The following ST3GAL5 variants were observed in gnomAD, a reference collection of about 807,000 sequenced individuals.
ST3GAL5 encodes ST3 beta-galactoside alpha-2,3-sialyltransferase 5.
A neutral mutation model predicts 46.1 loss-of-function variants in ST3GAL5; 25 were observed. The observed-to-expected ratio is 0.54, with a 90% CI of 0.40 to 0.76. ST3GAL5 has a LOEUF of 0.76. ST3GAL5 is among the 30% of genes least tolerant of loss of function. The pLI is 0.00. For synonymous variants in ST3GAL5, 182 were observed against 192.7 expected (o/e 0.94, Z 0.46); for missense variants, 431 against 521.2 (o/e 0.83, Z 1.69).
chr2:85,869,745 G>A (rs1394125647), intron 1 of ST3GAL5, among the ~76,000 whole-genome samples: 1 of 152,184 alleles, frequency 6.6e-6, no homozygotes, highest in Non-Finnish European at 1.5e-5. Context: ...CAGGAACTGG[G>A]TTGCTCCCTT....
intron 4 of ST3GAL5, chr2:85,847,329 G>C (rs1682916231): frequency 2.0e-6 from 2 of 985,494 alleles, no homozygotes; most frequent in Non-Finnish European, 2.4e-6. Context: ...TGTTTTACTT[G>C]AATCTACCCA....
chr2:85,840,296 T>C lies in ST3GAL5; in HGVS notation c.1105A>G (p.Arg369Gly), dbSNP rs745878094. The C allele has an allele frequency of 3.7e-6, 6 of 1,613,980 alleles. 1 individual carries two copies. The highest frequency in any genetic ancestry group is 2.7e-5 in the African/African-American group (2 of 74,924). Residue 369 changes from arginine to glycine, a missense_variant, in exon 7 of 7, where the codon AGA becomes GGA. By Grantham distance (125) the Arg-to-Gly change is moderately radical (BLOSUM62 -2). Coordinates refer to ENST00000638572, the MANE Select transcript of ST3GAL5 (RefSeq NM_003896.4). The part of the protein sequence containing the change: ...AGFGYDLNQP[R>G]TPLHYFDSQC... Reference sequence around the variant, plus strand: ...CTGTCGAAGTAGTGCAAAGGTGTTCTGGGTTGATTGAGGTCATATCCAAAA... The same window carrying C: ...CTGTCGAAGTAGTGCAAAGGTGTTCCGGGTTGATTGAGGTCATATCCAAAA...
intron 3 of ST3GAL5, among the ~76,000 whole-genome samples, chr2:85,860,318 A>C (rs1684580175): frequency 6.6e-6 from 1 of 152,182 alleles, no homozygotes; most frequent in Non-Finnish European, 1.5e-5. Flanking sequence ...TCCCAGTCAC[A>C]ATGACTAAAG....
At chr2:85,873,462 A>G (rs183145880) in intron 1 of ST3GAL5, among the ~76,000 whole-genome samples, 1 of 152,142 alleles carries the variant, frequency 6.6e-6, no homozygotes, top group Non-Finnish European at 1.5e-5. Flanking sequence ...ATGGGGCAGC[A>G]GTGGGGACAA....
chr2:85,867,446 T>C (rs1326226873), intron 1 of ST3GAL5, among the ~76,000 whole-genome samples: 1 of 151,928 alleles, frequency 6.6e-6, no homozygotes, highest in African/African-American at 2.4e-5. Context: ...GGCAGTTTTA[T>C]AAAAATCTAT....
chr2:85,872,981 C>A (rs189739708), intron 1 of ST3GAL5, among the ~76,000 whole-genome samples: 1 of 152,332 alleles, frequency 6.6e-6, no homozygotes, highest in East Asian at 1.9e-4. Flanking sequence ...CGGCATGGGG[C>A]GGCCGAGAGG....
rs1034357911 is a variant in ST3GAL5, at chr2:85,839,653, T to C, written c.*491A>G. 5 of 235,780 alleles carry C rather than the reference T, an allele frequency of 2.1e-5. No homozygotes were observed. Among genetic ancestry groups the C allele is most frequent in the African/African-American group, 1.2e-4 (5 of 43,248 alleles). 14.6% of individuals were successfully genotyped at this position (235,780 alleles called of 1,614,324 possible). On this transcript the variant is annotated 3_prime_UTR_variant, in exon 7 of 7. Coordinates refer to ENST00000638572, the MANE Select transcript of ST3GAL5 (RefSeq NM_003896.4). ...CCAGCCCAGGCCTCACGCCGCTGCATCGCAGACCCAGTATCAGCAGCAGAG... is the reference window on the plus strand; with the variant it reads ...CCAGCCCAGGCCTCACGCCGCTGCACCGCAGACCCAGTATCAGCAGCAGAG...
intron 1 of ST3GAL5, among the ~76,000 whole-genome samples, chr2:85,874,963 A>C (rs912948508): frequency 6.6e-6 from 1 of 152,112 alleles, no homozygotes; most frequent in African/African-American, 2.4e-5. Context: ...ATACTTTTTC[A>C]AACAAGACCC....
chr2:85,880,808 A>C, intron 1 of ST3GAL5: 2 of 488,698 alleles, frequency 4.1e-6, no homozygotes, highest in South Asian at 3.0e-5. Flanking sequence ...TGGGTGACAG[A>C]CCAAGAATCT....
chr2:85,888,859 G>C lies in ST3GAL5; in HGVS notation c.47C>G (p.Pro16Arg). ...AGCAERRPLQ[P>R]RTEAAAAPAG... ...AGGTGCCGCCGCTGCCTCGGTCCGCGGCTGCAGGGGACGCCGCTCCGCGCA... is the reference window on the plus strand; with the variant it reads ...AGGTGCCGCCGCTGCCTCGGTCCGCCGCTGCAGGGGACGCCGCTCCGCGCA... The change falls in exon 1 of 7, where the codon CCG becomes CGG. Residue 16 changes from proline (P) to arginine (R), a missense_variant. By Grantham distance (103) the Pro-to-Arg change is moderately radical (BLOSUM62 -2). Coordinates refer to ENST00000638572, the MANE Select transcript of ST3GAL5 (RefSeq NM_003896.4). The C allele has an allele frequency of 7.4e-6, 10 of 1,353,076 alleles. No homozygotes were observed. The highest frequency in any genetic ancestry group is 8.6e-6 in the Non-Finnish European group (9 of 1,045,814). 83.8% of individuals were successfully genotyped at this position (1,353,076 alleles called of 1,614,324 possible). A position where few individuals can be genotyped will look rare whatever the true frequency, so the allele number is the denominator to read the frequency against.
intron 1 of ST3GAL5, among the ~76,000 whole-genome samples, chr2:85,882,091 T>G (rs998866201): frequency 6.6e-6 from 1 of 152,144 alleles, no homozygotes; most frequent in African/African-American, 2.4e-5. Flanking sequence ...CTTCAGAGGG[T>G]GGAAGCCCCA....
rs952271385 is a variant in ST3GAL5 at position 85,888,836 on chromosome 2, G to A, written c.70C>T (p.Pro24Ser). 22 of 1,286,298 alleles carry A rather than the reference G, an allele frequency of 1.7e-5. No individual in the cohort carries two copies. The highest frequency in any genetic ancestry group is 1.4e-4 in the Admixed American group (4 of 28,710). The allele number at this position is 1,286,298 out of a possible 1,614,324, so 79.7% of individuals were successfully genotyped here. ...CTGCGCCACGTACCTCGGCCGGCAG[G>A]TGCCGCCGCTGCCTCGGTCCGCGGC... is the stretch of plus-strand genomic sequence containing the variant. ...LQPRTEAAAAPAGRAMPSEYT... is the reference protein window; with the variant it reads ...LQPRTEAAAASAGRAMPSEYT... Residue 24 changes from proline to serine, a missense_variant, in exon 1 of 7, where the codon CCT becomes TCT. By Grantham distance (74) the Pro-to-Ser change is moderately conservative (BLOSUM62 -1). Transcript: ENST00000638572.
At chr2:85,881,556 T>G (rs1687153980) in intron 1 of ST3GAL5, among the ~76,000 whole-genome samples, 1 of 152,312 alleles carries the variant, frequency 6.6e-6, no homozygotes, top group Middle Eastern at 3.4e-3. Flanking sequence ...TGTTGGGAAC[T>G]GAAGCAAAGG....
chr2:85,839,024 G>C lies in ST3GAL5; in HGVS notation c.*1120C>G, dbSNP rs571878309. On this transcript the variant is annotated 3_prime_UTR_variant, in exon 7 of 7. Coordinates refer to ENST00000638572, the MANE Select transcript of ST3GAL5 (RefSeq NM_003896.4). ...ACTCAAGCAGCTTGCAGGACCAGGT[G>C]CCTTAATTCTCTGTCCCTCACTACT... The C allele has an allele frequency of 6.6e-6, 1 of 152,262 alleles. No homozygotes were observed. Among genetic ancestry groups the C allele is most frequent in the African/African-American group, 2.4e-5 (1 of 41,436 alleles). The allele number at this position is 152,262 out of a possible 1,614,324, so 9.4% of individuals were successfully genotyped here. A position where few individuals can be genotyped will look rare whatever the true frequency, so the allele number is the denominator to read the frequency against.
At chr2:85,840,493 T>A in intron 6 of ST3GAL5, 101 bp from the exon 7 acceptor site, 7 of 1,290,564 alleles carry the variant, frequency 5.4e-6, no homozygotes, top group Non-Finnish European at 7.7e-6. Context: ...GAAAGCTACA[T>A]TGGGGGCTGC....
intron 6 of ST3GAL5, among the ~76,000 whole-genome samples, chr2:85,844,055 A>T (rs1411720851): frequency 1.3e-5 from 2 of 152,232 alleles, no homozygotes; most frequent in Admixed American, 6.5e-5. Context: ...TTAAAAAATT[A>T]AAAAATAAAA....
intron 3 of ST3GAL5, chr2:85,854,793 G>T (rs953019124): frequency 2.6e-5 from 4 of 152,150 alleles, no homozygotes; most frequent in African/African-American, 9.7e-5. Flanking sequence ...GAAAACAAGT[G>T]GGGAAGATGA....
chr2:85,878,531 T>A (rs1051008721), intron 1 of ST3GAL5, among the ~76,000 whole-genome samples: 1 of 146,206 alleles, frequency 6.8e-6, no homozygotes, highest in African/African-American at 2.6e-5. Flanking sequence ...ATTCATAACA[T>A]ACAATGGTCG....
chr2:85,848,283 C>T (rs1261982865), intron 3 of ST3GAL5, 79 bp from the exon 4 acceptor site: 3 of 1,612,014 alleles, frequency 1.9e-6, no homozygotes, highest in African/African-American at 2.7e-5. Flanking sequence ...ACAATTTGTC[C>T]TATGATGTCT....
Sources: gnomAD v4.1 joint callset for allele counts (sites outside exome capture counted in the v4.1 genomes callset) on GRCh38, gnomAD v4.1.1 for gene constraint, MANE v1.5 for transcripts, NCBI Gene and HGNC (gene_info 2026-07-23, HGNC 2026-07-21) for gene names.